CELF4: variants seen among roughly 807,000 people sequenced by gnomAD.
CELF4 encodes the protein CUG-BP- and ETR-3-like factor 4.
A neutral mutation model predicts 59.9 loss-of-function variants in CELF4; 18 were observed. The ratio of observed to expected loss-of-function variants is 0.30; its 90% CI spans 0.21 to 0.45. The LOEUF (loss-of-function observed/expected upper bound fraction) is 0.45, where lower values mean the gene tolerates loss of function less well. CELF4 is among the 20% of genes least tolerant of loss of function. CELF4 has a pLI of 1.00. For synonymous variants in CELF4, 261 were observed against 267.1 expected (o/e 0.98, Z 0.22); for missense variants, 456 against 689.0 (o/e 0.66, Z 3.79).
intron 1 of CELF4, among the ~76,000 whole-genome samples, chr18:37,501,691 A>G (rs2099932049): frequency 6.6e-6 from 1 of 152,230 alleles, no homozygotes. Flanking sequence ...GAGGCTGGGC[A>G]GGCTGCCTGG....
At chr18:37,320,055 C>T (rs1348733136) in intron 3 of CELF4, among the ~76,000 whole-genome samples, 3 of 152,178 alleles carry the variant, frequency 2.0e-5, no homozygotes, top group African/African-American at 7.2e-5. Context: ...GCCCCAACTC[C>T]AGCTGGGCGC....
In CELF4 at chr18:37,253,232, A is replaced by T. The variant is rs1363569672; in HGVS notation, c.*44+535T>A. Among the ~76,000 whole-genome samples, 1 of 152,084 alleles carries T rather than the reference A, an allele frequency of 6.6e-6. No homozygotes were observed. Among genetic ancestry groups the T allele is most frequent in the Non-Finnish European group, 1.5e-5 (1 of 67,996 alleles). On this transcript the variant is annotated intron_variant, in intron 12 of 12. Coordinates refer to ENST00000420428, the MANE Select transcript of CELF4 (RefSeq NM_020180.4). This position sits in a 1 kb window ranked among gnomAD's most constrained non-coding sequence, Gnocchi z 4.5. The stretch of plus-strand genomic sequence containing the variant: ...TCCCATCCTGCTTTGTTTCTTAGTA[A>T]AGTTCCCTTTGAAAGATCCTGTCCT...
At chr18:37,497,994 G>A (rs2099927116) in intron 1 of CELF4, among the ~76,000 whole-genome samples, 1 of 152,216 alleles carries the variant, frequency 6.6e-6, no homozygotes. Context: ...TGCCTGCAGA[G>A]CCCATGTCCT....
chr18:37,455,775 C>T (rs781397914), intron 2 of CELF4, among the ~76,000 whole-genome samples: 12 of 152,182 alleles, frequency 7.9e-5, no homozygotes, highest in Non-Finnish European at 1.3e-4. Context: ...ATCATATACC[C>T]GCAGCTGGGA....
intron 2 of CELF4, among the ~76,000 whole-genome samples, chr18:37,398,678 A>T (rs2099276428): frequency 6.6e-6 from 1 of 152,154 alleles, no homozygotes; most frequent in African/African-American, 2.4e-5. Flanking sequence ...CGTACCAGCC[A>T]CTGACACTGC....
intron 2 of CELF4, among the ~76,000 whole-genome samples, chr18:37,405,299 G>T (rs937185436): frequency 6.6e-6 from 1 of 152,232 alleles, no homozygotes; most frequent in African/African-American, 2.4e-5. Flanking sequence ...ATGATCCACA[G>T]GGATGATCAC....
intron 3 of CELF4, among the ~76,000 whole-genome samples, chr18:37,289,030 G>A (rs1383651333): frequency 6.6e-6 from 1 of 152,212 alleles, no homozygotes; most frequent in East Asian, 1.9e-4. Context: ...CAGTCCGGCA[G>A]TCAGTATTCA....
intron 3 of CELF4, among the ~76,000 whole-genome samples, chr18:37,303,065 A>G (rs2096172106): frequency 6.6e-6 from 1 of 152,174 alleles, no homozygotes; most frequent in Non-Finnish European, 1.5e-5. Context: ...TGAAGCAAAG[A>G]TGGTGGAAGA....
rs1285657359 is a variant in CELF4, at chr18:37,254,125, G to T, written c.1334-187C>A. 1.2e-5 allele frequency: 3 copies of T among 248,814 alleles called. No homozygotes were observed. The highest frequency in any genetic ancestry group is 2.3e-5 in the African/African-American group (1 of 43,542). The allele number at this position is 248,814 out of a possible 1,614,324, so 15.4% of individuals were successfully genotyped here. A position where few individuals can be genotyped will look rare whatever the true frequency, so the allele number is the denominator to read the frequency against. ...GCGCGCGTGCTAGGCCCCTCCGGGG[G>T]CAGGCGCTGGCGGGGACCCGGCTCG... On this transcript the variant is annotated intron_variant, in intron 11 of 12. Transcript: ENST00000420428. This position sits in a 1 kb window ranked among gnomAD's most constrained non-coding sequence, Gnocchi z 5.1.
At chr18:37,328,576 C>T (rs1369891571) in intron 2 of CELF4, among the ~76,000 whole-genome samples, 4 of 152,232 alleles carry the variant, frequency 2.6e-5, no homozygotes, top group African/African-American at 9.6e-5. Flanking sequence ...ACATAATTTG[C>T]AGCCTTCACC....
intron 1 of CELF4, among the ~76,000 whole-genome samples, chr18:37,529,972 A>T (rs2099967801): frequency 6.6e-6 from 1 of 152,084 alleles, no homozygotes; most frequent in South Asian, 2.1e-4. Flanking sequence ...AACCACCTCC[A>T]CTCACAGAAT....
rs552144980 is a variant in CELF4 at position 37,253,899 on chromosome 18, G to T, written c.1373C>A (p.Ala458Asp). Reference sequence around the variant, plus strand: ...CTGGAAGCCGTTCATGGCCTGGATGGCGGTCTGCGCGCTGGCCGGGTTGTC... The same window carrying T: ...CTGGAAGCCGTTCATGGCCTGGATGTCGGTCTGCGCGCTGGCCGGGTTGTC... ...SFDNPASAQTAIQAMNGFQIG... is the reference protein window; with the variant it reads ...SFDNPASAQTDIQAMNGFQIG... Residue 458 changes from alanine (A) to aspartate (D), a missense_variant, in exon 12 of 13, where the codon GCC (alanine) becomes GAC (aspartate). This residue lies in a region of CELF4 where 256 missense variants were observed against 340.8 expected (regional missense o/e 0.75). Transcript: ENST00000420428. The surrounding 1 kb of genome is among the most constrained non-coding windows in gnomAD (Gnocchi z 4.5). 2.5e-6 allele frequency: 4 copies of T among 1,608,584 alleles called. No homozygotes were observed. Among genetic ancestry groups the T allele is most frequent in the Admixed American group, 1.7e-5 (1 of 59,768 alleles).
At chr18:37,516,220 C>G (rs1361861349) in intron 1 of CELF4, among the ~76,000 whole-genome samples, 1 of 152,200 alleles carries the variant, frequency 6.6e-6, no homozygotes, top group African/African-American at 2.4e-5. Flanking sequence ...CAGGCCTCCT[C>G]CCTGCTCCCT....
chr18:37,265,121 G>A (rs1001644075), intron 9 of CELF4, among the ~76,000 whole-genome samples: 3 of 151,564 alleles, frequency 2.0e-5, no homozygotes, highest in Non-Finnish European at 4.4e-5. Context: ...GGGTGTGTGT[G>A]TACATTACAT....
At chr18:37,552,060 C>T (rs1007318445) in intron 1 of CELF4, among the ~76,000 whole-genome samples, 7 of 152,242 alleles carry the variant, frequency 4.6e-5, no homozygotes, top group South Asian at 2.1e-4. Context: ...GGGCTTATGC[C>T]GTCTTTCTCT....
At position 37,386,051 on chromosome 18, in the gene CELF4, T is replaced by G. The variant is rs534247274; in HGVS notation, c.370-64170A>C. 2.0e-5 allele frequency among the ~76,000 whole-genome samples: 3 copies of G among 152,334 alleles called. No individual in the cohort carries two copies. The South Asian group carries it at 6.2e-4, about 32-fold the overall frequency. ...GGCCACCAGGTGGTGGAATCTACCT[T>G]GGTATATTCTTTTTGCTTTGGGCAT... On this transcript the variant is annotated intron_variant, in intron 2 of 12. Transcript: ENST00000420428.
Position 37,244,748 on chromosome 18 carries a change from G to A in CELF4, c.*494C>T, listed in dbSNP as rs1367387015. 6.6e-6 allele frequency: 1 copy of A among 152,550 alleles called. No individual in the cohort carries two copies. Among genetic ancestry groups the A allele is most frequent in the East Asian group, 1.9e-4 (1 of 5,180 alleles). 9.4% of individuals were successfully genotyped at this position (152,550 alleles called of 1,614,324 possible). A position where few individuals can be genotyped will look rare whatever the true frequency, so the allele number is the denominator to read the frequency against. ...GTCCTTTGGTCCCTAAATAGCTAAA[G>A]GAATGACAGATAGAGATGCTCAGTG... On this transcript the variant is annotated 3_prime_UTR_variant, in exon 13 of 13. Transcript: ENST00000420428.
chr18:37,431,416 G>A (rs899875744), intron 2 of CELF4, among the ~76,000 whole-genome samples: 1 of 124,928 alleles, frequency 8.0e-6, no homozygotes, highest in African/African-American at 3.1e-5. Context: ...CGCCCAGGCT[G>A]GAGCGCAGTG....
intron 3 of CELF4, among the ~76,000 whole-genome samples, chr18:37,282,048 C>T (rs539240757): frequency 6.6e-6 from 1 of 152,302 alleles, no homozygotes; most frequent in Non-Finnish European, 1.5e-5. Context: ...TGTGCAGGCT[C>T]AGGCAAGGCA....
Sources: allele counts gnomAD v4.1 joint callset (sites outside exome capture counted in the v4.1 genomes callset), GRCh38; gene constraint gnomAD v4.1.1; regional missense constraint gnomAD v4.1.1; non-coding constraint Gnocchi (gnomAD v3.1); transcripts MANE v1.5; gene names NCBI Gene and HGNC (gene_info 2026-07-23, HGNC 2026-07-21).